The following SPTBN5 variants were observed in gnomAD, a reference collection of about 807,000 sequenced individuals.
The protein encoded by SPTBN5 is spectrin beta chain, non-erythrocytic 5.
In SPTBN5, 513 loss-of-function variants were observed where a neutral mutation model predicts 477.6. That is an observed-to-expected ratio of 1.07 (90% CI 1.00 to 1.16). The LOEUF (loss-of-function observed/expected upper bound fraction) is 1.16, where lower values mean the gene tolerates loss of function less well. SPTBN5 is among the 50% of genes most tolerant of loss of function. The probability of loss-of-function intolerance (pLI) is 0.00; values close to 1 mark genes in which losing one functional copy is unlikely to be tolerated. For synonymous variants in SPTBN5, 2,169 were observed against 2,011.7 expected (o/e 1.08, Z -2.09); for missense variants, 5,062 against 4,731.8 (o/e 1.07, Z -2.05).
In SPTBN5 at chr15:41,885,901, C is replaced by T; in HGVS notation, c.1354G>A (p.Ala452Thr). 1 of 1,584,580 alleles carries T rather than the reference C, an allele frequency of 6.3e-7. No individual in the cohort carries two copies. Among genetic ancestry groups the T allele is most frequent in the Non-Finnish European group, 8.6e-7 (1 of 1,165,820 alleles). The change falls in exon 7 of 68, where the codon GCC (alanine) becomes ACC (threonine). Residue 452 changes from alanine (A) to threonine (T), a missense_variant. Physicochemically the swap from Ala to Thr is moderately conservative, Grantham distance 58. Transcript: ENST00000320955. Reference sequence around the variant, plus strand: ...GCCAGGCTGGCTGGCGGGGCTCTGGCCTGGTCTAGCACCTGCTCTGCATCC... The same window carrying T: ...GCCAGGCTGGCTGGCGGGGCTCTGGTCTGGTCTAGCACCTGCTCTGCATCC... ...LKDAEQVLDQ[A>T]RAPPASLATV...
At chr15:41,866,818 G>C (rs1249591273) in intron 36 of SPTBN5, 141 bp downstream of exon 36, 2 of 1,163,600 alleles carry the variant, frequency 1.7e-6, no homozygotes, top group Non-Finnish European at 2.4e-6. Context: ...TAGATCCCAT[G>C]TTCTGGGCTC....
chr15:41,876,487 C>G, intron 20 of SPTBN5, 61 bp downstream of exon 20: 1 of 1,461,790 alleles, frequency 6.8e-7, no homozygotes, highest in Non-Finnish European at 9.4e-7. Flanking sequence ...GCACAGAGCT[C>G]TGTACGGTCT....
intron 13 of SPTBN5, 94 bp from the exon 14 acceptor site, chr15:41,880,406 C>T (rs1189984851): frequency 2.9e-6 from 4 of 1,362,614 alleles, no homozygotes; most frequent in Non-Finnish European, 3.9e-6. Flanking sequence ...CATCCCAGCC[C>T]ACCAGCAGAG....
Position 41,861,407 on chromosome 15 carries a change from C to A in SPTBN5, c.7815+12G>T, listed in dbSNP as rs1165004906. Reference sequence around the variant, plus strand: ...AATTCCCCCCTCCTGCCCATTCCTGCTGGGCACCTACCCATAGACCCTCAC... The same window carrying A: ...AATTCCCCCCTCCTGCCCATTCCTGATGGGCACCTACCCATAGACCCTCAC... On this transcript the variant is annotated intron_variant, in intron 46 of 67. Transcript: ENST00000320955. The A allele has an allele frequency of 6.2e-7, 1 of 1,609,272 alleles. No individual in the cohort carries two copies. The highest frequency in any genetic ancestry group is 1.3e-5 in the African/African-American group (1 of 74,874).
chr15:41,869,504 A>G (rs754469583), intron 32 of SPTBN5, among the ~76,000 whole-genome samples: 2 of 152,228 alleles, frequency 1.3e-5, no homozygotes, highest in Non-Finnish European at 2.9e-5. Context: ...GACAGACATT[A>G]AATAGATACT....
In SPTBN5 at chr15:41,885,928, T is replaced by A. The variant is rs1323398285; in HGVS notation, c.1327A>T (p.Lys443Ter). 2 of 1,577,572 alleles carry A rather than the reference T, an allele frequency of 1.3e-6. No homozygotes were observed. The highest frequency in any genetic ancestry group is 8.6e-7 in the Non-Finnish European group (1 of 1,161,804). Residue 443 changes from lysine to a stop codon, truncating the protein, a stop_gained, in exon 7 of 68, where the codon AAG (lysine) becomes TAG (stop). Transcript: ENST00000320955. LOFTEE classifies it high-confidence loss of function. ...TGGTCTAGCACCTGCTCTGCATCCT[T>A]AAGGAAACTCTCCCGGAGGGCTGCC... ...HKAALRESFLKDAEQVLDQAR... is the reference protein window; with the variant it reads ...HKAALRESFL
In SPTBN5 at chr15:41,860,773, G is replaced by A; in HGVS notation, c.7816-15C>T. On this transcript the variant is annotated splice_polypyrimidine_tract_variant and intron_variant, in intron 46 of 67. Transcript: ENST00000320955. ...GCCAAGGGGTCCTGGTGGGAGTGGGGAACCCAATACTGTCCATGAGCCTCC... is the reference window on the plus strand; with the variant it reads ...GCCAAGGGGTCCTGGTGGGAGTGGGAAACCCAATACTGTCCATGAGCCTCC... The A allele has an allele frequency of 1.3e-6, 2 of 1,559,954 alleles. No individual in the cohort carries two copies. The highest frequency in any genetic ancestry group is 1.7e-6 in the Non-Finnish European group (2 of 1,154,424).
rs1490557695 is a variant in SPTBN5 at position 41,861,788 on chromosome 15, C to T, written c.7684G>A (p.Glu2562Lys). The T allele has an allele frequency of 1.3e-6, 2 of 1,562,520 alleles. No individual in the cohort carries two copies. Among genetic ancestry groups the T allele is most frequent in the Non-Finnish European group, 1.7e-6 (2 of 1,157,784 alleles). ...AGLEQELSSL[E>K]GAWQEHQLQL... Reference sequence around the variant, plus strand: ...AGCTGATGCTCCTGCCAGGCCCCTTCCAGGCTGCTCAGCTCCTGTTCTAAG... The same window carrying T: ...AGCTGATGCTCCTGCCAGGCCCCTTTCAGGCTGCTCAGCTCCTGTTCTAAG... The change falls in exon 45 of 68, where the codon GAA (glutamate) becomes AAA (lysine). Residue 2562 changes from glutamate to lysine, a missense_variant. Transcript: ENST00000320955.
In SPTBN5 at chr15:41,866,346, T is replaced by C. The variant is rs1401817230; in HGVS notation, c.6628A>G (p.Lys2210Glu). The change falls in exon 37 of 68, where the codon AAG becomes GAG. Residue 2210 changes from lysine to glutamate, a missense_variant and splice_region_variant. Physicochemically the swap from Lys to Glu is moderately conservative, Grantham distance 56. Transcript: ENST00000320955. The stretch of plus-strand genomic sequence containing the variant: ...GGGGCTGAGGGCCCGGTTGTTACCT[T>C]GGCAACAGAGGTCATGACCTCCTCA... ...AHEEVMTSVA[K>E]KGEALLAQSH... 2 of 1,591,566 alleles carry C rather than the reference T, an allele frequency of 1.3e-6. No individual in the cohort carries two copies. Among genetic ancestry groups the C allele is most frequent in the Non-Finnish European group, 1.7e-6 (2 of 1,168,764 alleles).
At chr15:41,860,296 T>G (rs1238408742) in intron 47 of SPTBN5, among the ~76,000 whole-genome samples, 1 of 152,236 alleles carries the variant, frequency 6.6e-6, no homozygotes, top group East Asian at 1.9e-4. Context: ...ACCTTCCGTT[T>G]CGTGAGATGA....
intron 1 of SPTBN5, 71 bp downstream of exon 1, chr15:41,893,828 G>A (rs1595523978): frequency 2.4e-6 from 1 of 418,226 alleles, no homozygotes; most frequent in Admixed American, 3.8e-5. Context: ...TGCTTACCTT[G>A]GTGATGCCTG....
chr15:41,885,636 C>T, intron 7 of SPTBN5, 99 bp downstream of exon 7: 9 of 1,407,132 alleles, frequency 6.4e-6, no homozygotes, highest in South Asian at 1.4e-5. Flanking sequence ...AATCATCCCT[C>T]TCCTCTCTGG....
intron 39 of SPTBN5, among the ~76,000 whole-genome samples, chr15:41,865,216 G>A (rs551299049): frequency 1.3e-5 from 2 of 152,344 alleles, no homozygotes; most frequent in Admixed American, 1.3e-4. Flanking sequence ...GATGTTTGGT[G>A]TGTGTATGTG....
In SPTBN5 at chr15:41,874,017, T is replaced by C. The variant is rs1329975945; in HGVS notation, c.4718A>G (p.Gln1573Arg). ...ACTCAGCACCCGTTGCACCTGCCCCTGGTGAGCTTTTACCTCCACCTGGAG... is the reference window on the plus strand; with the variant it reads ...ACTCAGCACCCGTTGCACCTGCCCCCGGTGAGCTTTTACCTCCACCTGGAG... ...KELQVEVKAH[Q>R]GQVQRVLSSG... Residue 1573 changes from glutamine to arginine, a missense_variant, in exon 25 of 68, where the codon CAG (glutamine) becomes CGG (arginine). Physicochemically the swap from Gln to Arg is conservative, Grantham distance 43. Coordinates refer to ENST00000320955, the MANE Select transcript of SPTBN5 (RefSeq NM_016642.4). The C allele has an allele frequency of 6.2e-7, 1 of 1,600,424 alleles. No individual in the cohort carries two copies. The highest frequency in any genetic ancestry group is 1.7e-5 in the Admixed American group (1 of 59,656).
Position 41,882,571 on chromosome 15 carries a change from C to T in SPTBN5, c.2046+14G>A, listed in dbSNP as rs774975483. The T allele has an allele frequency of 3.8e-6, 6 of 1,586,960 alleles. No individual in the cohort carries two copies. The highest frequency in any genetic ancestry group is 1.3e-5 in the African/African-American group (1 of 74,510). On this transcript the variant is annotated intron_variant, in intron 10 of 67. Transcript: ENST00000320955. The stretch of plus-strand genomic sequence containing the variant: ...GGCGCTGGCGACCGGCGGGCGCGCT[C>T]GGGGAGCTGACACCTTGTGTTTCTG...
At chr15:41,850,502 T>G in intron 66 of SPTBN5, 1 of 286,960 alleles carries the variant, frequency 3.5e-6, no homozygotes, top group Non-Finnish European at 6.5e-6. Flanking sequence ...AGCACCCAGA[T>G]CAGACAGAAC....
Position 41,853,384 on chromosome 15 carries a change from C to G in SPTBN5, c.10044G>C (p.Gly3348=). The G allele has an allele frequency of 1.2e-6, 2 of 1,609,620 alleles. No individual in the cohort carries two copies. The highest frequency in any genetic ancestry group is 1.7e-6 in the Non-Finnish European group (2 of 1,177,300). ...SSEELAEDVA[G]AEQLLGQHEE... is the part of the protein sequence containing the mutation. ...CATGCTGCCCAAGGAGCTGCTCAGCCCCCGCCACGTCCTCAGCCAGCTCCT... is the reference window on the plus strand; with the variant it reads ...CATGCTGCCCAAGGAGCTGCTCAGCGCCCGCCACGTCCTCAGCCAGCTCCT... The change falls in exon 59 of 68, where the codon GGG becomes GGC. Residue 3348 remains glycine (G), a synonymous_variant. Transcript: ENST00000320955.
In SPTBN5 at chr15:41,870,319, C is replaced by A; in HGVS notation, c.5597G>T (p.Arg1866Leu). The A allele has an allele frequency of 6.4e-7, 1 of 1,566,010 alleles. No individual in the cohort carries two copies. The stretch of plus-strand genomic sequence containing the variant: ...CTGCGCCTCCAGCCCACACAGGTCC[C>A]GTGCCACATTGTTGGGGAGGCTCGT... The part of the protein sequence containing the change: ...KATSLPNNVA[R>L]DLCGLEAQLR... Residue 1866 changes from arginine to leucine, a missense_variant, in exon 31 of 68, where the codon CGG becomes CTG. Coordinates refer to ENST00000320955, the MANE Select transcript of SPTBN5 (RefSeq NM_016642.4).
Position 41,851,328 on chromosome 15 carries a change from C to T in SPTBN5, c.10698G>A (p.Gln3566=), listed in dbSNP as rs1434469718. The change falls in exon 64 of 68, where the codon CAG becomes CAA. Residue 3566 remains glutamine (Q), a synonymous_variant. Transcript: ENST00000320955. ...SSWDSCRGNL[Q]GSSLSLFLDE... ...CCAGGAACAGGCTCAGAGAGCTGCC[C>T]TGCAAGTTCCCGCGGCAGCTGTCCC... 6.4e-7 allele frequency: 1 copy of T among 1,551,090 alleles called. No homozygotes were observed. Among genetic ancestry groups the T allele is most frequent in the Non-Finnish European group, 8.7e-7 (1 of 1,146,956 alleles).
Sources: allele counts gnomAD v4.1 joint callset (sites outside exome capture counted in the v4.1 genomes callset), GRCh38; gene constraint gnomAD v4.1.1; transcripts MANE v1.5; gene names NCBI Gene and HGNC (gene_info 2026-07-23, HGNC 2026-07-21).